UXS1: variants seen among roughly 807,000 people sequenced by gnomAD.
The protein encoded by UXS1 is UDP-glucuronic acid decarboxylase 1.
A neutral mutation model predicts 62.6 loss-of-function variants in UXS1; 33 were observed. The observed-to-expected ratio is 0.53, with a 90% CI of 0.40 to 0.70. UXS1 has a LOEUF of 0.70. Among genes scored for constraint, UXS1 ranks in the 30% least tolerant of loss-of-function variants. The pLI, the probability that UXS1 is intolerant of heterozygous loss-of-function variation, is 0.00. For missense variants in UXS1, 434 were observed against 556.3 expected (o/e 0.78, Z 2.21); for synonymous variants, 213 against 206.8 (o/e 1.03, Z -0.26).
chr2:106,110,251 GGAC>G (rs1324556091), intron 10 of UXS1, among the ~76,000 whole-genome samples: 5 of 152,208 alleles, frequency 3.3e-5, no homozygotes, highest in Non-Finnish European at 7.3e-5. Flanking sequence ...CTGCAGTCAT[GGAC>G]GGCTCCAGAG....
intron 10 of UXS1, among the ~76,000 whole-genome samples, chr2:106,109,640 T>C (rs1206841819): frequency 6.6e-6 from 1 of 152,222 alleles, no homozygotes; most frequent in Admixed American, 6.5e-5. Flanking sequence ...TCATCTATTT[T>C]CTAATCTGAG....
chr2:106,164,369 C>CGTGGATGCTCCTTACATTT (rs6146867), intron 3 of UXS1, among the ~76,000 whole-genome samples: 1 of 152,106 alleles, frequency 6.6e-6, no homozygotes, highest in South Asian at 2.1e-4. Flanking sequence ...CATCTGTGCA[C>CGTGGATGCTCCTTACATTT]GTGGCCTAGC....
chr2:106,146,139 G>A lies in UXS1; in HGVS notation c.292-769C>T, dbSNP rs554304807. Among the ~76,000 whole-genome samples the A allele has an allele frequency of 2.0e-5, 3 of 152,344 alleles. No individual in the cohort carries two copies. In the South Asian group the frequency reaches 6.2e-4, roughly 32 times the overall value. ...AGGTATTTTATTCAAATTAAATGGT[G>A]TAACTGGAGGAGGATAAAGGGAATT... On this transcript the variant is annotated intron_variant, in intron 5 of 14. Transcript: ENST00000283148.
At chr2:106,183,243 A>ATT (rs1166502887) in intron 1 of UXS1, among the ~76,000 whole-genome samples, 9,531 of 128,282 alleles carry the variant, frequency 0.074, 457 homozygotes, top group East Asian at 0.27. Context: ...TCTTTTTTAA[A>ATT]AAAAAAAAAA....
chr2:106,138,781 G>A (rs931562935), intron 6 of UXS1: 106 of 985,442 alleles, frequency 1.1e-4, no homozygotes, highest in Non-Finnish European at 1.2e-4. Context: ...CATTTGAGAG[G>A]AAACTGAAAA....
intron 6 of UXS1, among the ~76,000 whole-genome samples, chr2:106,137,857 C>G (rs1680785662): frequency 6.6e-6 from 1 of 151,800 alleles, no homozygotes; most frequent in Non-Finnish European, 1.5e-5. Flanking sequence ...CTGGCCAGAC[C>G]TTCAGAGCCG....
chr2:106,117,559 G>A (rs1040959273), intron 9 of UXS1, among the ~76,000 whole-genome samples: 2 of 152,132 alleles, frequency 1.3e-5, no homozygotes, highest in Non-Finnish European at 2.9e-5. Flanking sequence ...ATTCGCTGAC[G>A]GAAGGTTCTA....
Position 106,109,728 on chromosome 2 carries a change from C to T in UXS1, c.879+2918G>A, listed in dbSNP as rs182486227. Among the ~76,000 whole-genome samples the T allele has an allele frequency of 4.5e-4, 69 of 152,312 alleles. 1 individual carries two copies. The highest frequency in any genetic ancestry group is 1.6e-3 in the African/African-American group (66 of 41,572). ...TGCACTTAACCCAGCGACATACTCC[C>T]TGAGTCCTCATCACAGGCATCTGGT... is the stretch of plus-strand genomic sequence containing the variant. On this transcript the variant is annotated intron_variant, in intron 10 of 14. Transcript: ENST00000283148.
At chr2:106,165,523 A>G (rs1194242616) in intron 2 of UXS1, among the ~76,000 whole-genome samples, 1 of 151,446 alleles carries the variant, frequency 6.6e-6, no homozygotes, top group African/African-American at 2.4e-5. Flanking sequence ...TTTAAAGGCT[A>G]TTTTTTTTTA....
chr2:106,140,061 T>C (rs1271044296), intron 6 of UXS1, among the ~76,000 whole-genome samples: 1 of 152,208 alleles, frequency 6.6e-6, no homozygotes, highest in Non-Finnish European at 1.5e-5. Flanking sequence ...GATACAGAAC[T>C]TCTCAAAGTA....
intron 5 of UXS1, among the ~76,000 whole-genome samples, chr2:106,147,580 C>T (rs928258922): frequency 1.3e-5 from 2 of 152,146 alleles, no homozygotes; most frequent in African/African-American, 4.8e-5. Flanking sequence ...GAGACCCTGT[C>T]TCAAAATAAA....
At chr2:106,159,798 C>T (rs1682743985) in intron 4 of UXS1, among the ~76,000 whole-genome samples, 1 of 152,134 alleles carries the variant, frequency 6.6e-6, no homozygotes, top group Non-Finnish European at 1.5e-5. Context: ...GACAGAAGCC[C>T]CTGAAGCAGG....
At chr2:106,192,934 A>G (rs546889646) in intron 1 of UXS1, among the ~76,000 whole-genome samples, 7 of 152,326 alleles carry the variant, frequency 4.6e-5, no homozygotes, top group Non-Finnish European at 8.8e-5. Flanking sequence ...TCAACTTTAA[A>G]TGGTCTTTCC....
chr2:106,146,480 G>A (rs1016757890), intron 5 of UXS1, among the ~76,000 whole-genome samples: 3 of 152,162 alleles, frequency 2.0e-5, no homozygotes, highest in African/African-American at 7.2e-5. Flanking sequence ...CGGTGAGAGA[G>A]TAAAGCCACC....
chr2:106,151,682 C>A (rs774350202), intron 5 of UXS1, among the ~76,000 whole-genome samples: 3 of 152,124 alleles, frequency 2.0e-5, no homozygotes, highest in Non-Finnish European at 4.4e-5. Flanking sequence ...GACAACATGG[C>A]AACAAAACAT....
intron 7 of UXS1, among the ~76,000 whole-genome samples, chr2:106,128,355 T>C (rs1013040054): frequency 1.3e-5 from 2 of 152,198 alleles, no homozygotes; most frequent in Non-Finnish European, 2.9e-5. Context: ...CCTGTGATGG[T>C]TCATTTTATG....
chr2:106,170,685 G>C (rs562594169), intron 1 of UXS1, among the ~76,000 whole-genome samples: 1 of 152,170 alleles, frequency 6.6e-6, no homozygotes, highest in Non-Finnish European at 1.5e-5. Context: ...ACACAGCAAA[G>C]CAGGACAAAC....
At chr2:106,104,207 TA>T (rs1280616822) in intron 11 of UXS1, among the ~76,000 whole-genome samples, 1 of 152,192 alleles carries the variant, frequency 6.6e-6, no homozygotes, top group Non-Finnish European at 1.5e-5. Flanking sequence ...CTATCCTAAC[TA>T]CTCTGAGAAT....
chr2:106,098,811 C>T (rs1354643381), intron 12 of UXS1, 38 bp from the exon 13 acceptor site: 2 of 1,581,152 alleles, frequency 1.3e-6, no homozygotes, highest in East Asian at 4.5e-5. Flanking sequence ...AGCGTCATGA[C>T]AACAGCAGCA....
Sources: gnomAD v4.1 joint callset for allele counts (sites outside exome capture counted in the v4.1 genomes callset) on GRCh38, gnomAD v4.1.1 for gene constraint, MANE v1.5 for transcripts, NCBI Gene and HGNC (gene_info 2026-07-23, HGNC 2026-07-21) for gene names.